The following CASP1 variants were observed in gnomAD, a reference collection of about 807,000 sequenced individuals.
CASP1 encodes caspase 1.
Under a neutral mutation model 41.2 loss-of-function variants are expected in CASP1, and 31 were observed. That is an observed-to-expected ratio of 0.75 (90% CI 0.57 to 1.02). CASP1 has a LOEUF of 1.02. CASP1 is among the 50% of genes least tolerant of loss of function. The probability of loss-of-function intolerance (pLI) is 0.00; values close to 1 mark genes in which losing one functional copy is unlikely to be tolerated. For synonymous variants in CASP1, 163 were observed against 166.5 expected (o/e 0.98, Z 0.16); for missense variants, 490 against 495.7 (o/e 0.99, Z 0.11).
At chr11:105,036,427 C>T (rs547728493), upstream of CASP1, among the ~76,000 whole-genome samples, 3 of 152,220 alleles carry the variant, frequency 2.0e-5, no homozygotes, top group South Asian at 2.1e-4. Flanking sequence ...CTCTGTTTCC[C>T]TACTCAAATC....
upstream of CASP1, chr11:105,035,161 T>C (rs1863953104): frequency 6.2e-7 from 1 of 1,613,482 alleles, no homozygotes; most frequent in African/African-American, 1.3e-5. Flanking sequence ...AAAGTATGCT[T>C]CGCCTTCCTT....
Position 105,030,475 on chromosome 11 carries a change from C to T in CASP1, c.482G>A (p.Arg161His), listed in dbSNP as rs1348634184. 1.4e-5 allele frequency: 23 copies of T among 1,612,706 alleles called. No individual in the cohort carries two copies. The highest frequency in any genetic ancestry group is 1.6e-4 in the Middle Eastern group (1 of 6,072). ...GCAGATAATGAGAGCAAGACGTGTG[C>T]GGCTTGACTTGTCCATTATTGGATA... The part of the protein sequence containing the change: ...EIYPIMDKSS[R>H]TRLALIICNE... The change falls in exon 5 of 9, where the codon CGC becomes CAC. Residue 161 changes from arginine to histidine, a missense_variant. Physicochemically the swap from Arg to His is conservative, Grantham distance 29. Transcript: ENST00000533400.
Position 105,033,832 on chromosome 11 carries a change from A to T in CASP1, c.274+376T>A, listed in dbSNP as rs1488742680. On this transcript the variant is annotated intron_variant, in intron 2 of 8. Transcript: ENST00000533400. ...ATTATAAACCTTAAAGCTTCATGTG[A>T]CTTTACAACTACATAAGTGCCTACA... 5.5e-6 allele frequency: 3 copies of T among 545,414 alleles called. No individual in the cohort carries two copies. In the African/African-American group the frequency reaches 5.7e-5, roughly 10 times the overall value. The allele number at this position is 545,414 out of a possible 1,614,324, so 33.8% of individuals were successfully genotyped here.
intron 3 of CASP1, 63 bp downstream of exon 3, chr11:105,033,001 T>C: frequency 9.7e-7 from 1 of 1,035,340 alleles, no homozygotes; most frequent in Non-Finnish European, 1.5e-6. Context: ...CGTTTGATCC[T>C]ACAAAATTAA....
chr11:105,026,863 A>G lies in CASP1; in HGVS notation c.1095T>C (p.Asp365=), dbSNP rs753413964. ...EHMQEYACSC[D]VEEIFRKVRF... is the part of the protein sequence containing the mutation. Reference sequence around the variant, plus strand: ...TTACCTTGCGGAAAATTTCCTCCACATCACAGGAACAGGCATATTCTTGCA... The same window carrying G: ...TTACCTTGCGGAAAATTTCCTCCACGTCACAGGAACAGGCATATTCTTGCA... Residue 365 remains aspartate (D), a synonymous_variant, in exon 8 of 9, where the codon GAT becomes GAC. Coordinates refer to ENST00000533400, the MANE Select transcript of CASP1 (RefSeq NM_001257118.3). 5.0e-6 allele frequency: 8 copies of G among 1,603,780 alleles called. No individual in the cohort carries two copies. In the Admixed American group the frequency reaches 8.3e-5, roughly 17 times the overall value.
chr11:105,029,589 A>T (rs777664723), intron 6 of CASP1, 76 bp downstream of exon 6: 1 of 1,123,532 alleles, frequency 8.9e-7, no homozygotes, highest in Non-Finnish European at 1.3e-6. Context: ...AACCAAAAGA[A>T]ACCAAAAATT....
intron 3 of CASP1, 70 bp downstream of exon 3, chr11:105,032,994 T>G: frequency 2.1e-6 from 2 of 957,992 alleles, no homozygotes; most frequent in East Asian, 4.8e-5. Context: ...TTACCCACGT[T>G]TGATCCTACA....
chr11:105,026,682 G>C (rs1863311159), intron 8 of CASP1, 160 bp downstream of exon 8: 2 of 614,228 alleles, frequency 3.3e-6, no homozygotes, highest in East Asian at 5.4e-5. Context: ...ATTGGATTAG[G>C]CTCCTGGGTT....
In CASP1 at chr11:105,034,094, C is replaced by T; in HGVS notation, c.274+114G>A. 2.5e-6 allele frequency: 4 copies of T among 1,576,220 alleles called. No individual in the cohort carries two copies. In the South Asian group the frequency reaches 3.4e-5, roughly 13 times the overall value. ...GGGACCCTGCTACAGAAATATGGCCCTGAAGCCAGAAATAAGAAAGTTTTC... is the reference window on the plus strand; with the variant it reads ...GGGACCCTGCTACAGAAATATGGCCTTGAAGCCAGAAATAAGAAAGTTTTC... On this transcript the variant is annotated intron_variant, in intron 2 of 8. Transcript: ENST00000533400.
intron 5 of CASP1, 35 bp from the exon 6 acceptor site, chr11:105,029,934 T>A: frequency 7.2e-7 from 1 of 1,394,068 alleles, no homozygotes; most frequent in Non-Finnish European, 1.0e-6. Flanking sequence ...TTCGACTATG[T>A]AATTAACTAT....
chr11:105,034,717 T>C, intron 1 of CASP1: 4 of 660,644 alleles, frequency 6.1e-6, no homozygotes, highest in South Asian at 6.0e-5. Context: ...AAAGCAGAGA[T>C]CATCCTCTTA....
intron 7 of CASP1, 101 bp downstream of exon 7, chr11:105,029,023 C>T: frequency 2.7e-6 from 3 of 1,104,898 alleles, no homozygotes; most frequent in East Asian, 2.4e-5. Context: ...TGGAACAAAG[C>T]TTGAGTTGGT....
intron 3 of CASP1, among the ~76,000 whole-genome samples, chr11:105,032,151 T>G (rs516255): frequency 0.21 from 32,117 of 152,084 alleles, 3,804 homozygotes; most frequent in African/African-American, 0.29. Flanking sequence ...TTTGAAAAAT[T>G]GTTATACAAT....
rs1863341199 is a variant in CASP1, at chr11:105,026,958, A to C, written c.1007-7T>G. ...TGTCTCCAAGAAACATTATCTATGG[A>C]TAAAGCACATTTCAAATCTCAAGAC... On this transcript the variant is annotated splice_region_variant and splice_polypyrimidine_tract_variant and intron_variant, in intron 7 of 8. Coordinates refer to ENST00000533400, the MANE Select transcript of CASP1 (RefSeq NM_001257118.3). The C allele has an allele frequency of 6.9e-7, 1 of 1,440,460 alleles. No homozygotes were observed. Among genetic ancestry groups the C allele is most frequent in the Non-Finnish European group, 9.8e-7 (1 of 1,021,730 alleles). The allele number at this position is 1,440,460 out of a possible 1,614,324, so 89.2% of individuals were successfully genotyped here. A position where few individuals can be genotyped will look rare whatever the true frequency, so the allele number is the denominator to read the frequency against.
intron 3 of CASP1, among the ~76,000 whole-genome samples, chr11:105,032,004 A>C (rs1357992948): frequency 6.6e-6 from 1 of 152,204 alleles, no homozygotes; most frequent in Non-Finnish European, 1.5e-5. Flanking sequence ...CAGGTTCAAC[A>C]CAATCCAACA....
intron 3 of CASP1, among the ~76,000 whole-genome samples, chr11:105,031,772 A>G (rs1863714002): frequency 6.6e-6 from 1 of 152,140 alleles, no homozygotes; most frequent in Non-Finnish European, 1.5e-5. Flanking sequence ...ATATTTTTTA[A>G]TGAATCTTTG....
chr11:105,035,855 A>G (rs1038160409), upstream of CASP1, among the ~76,000 whole-genome samples: 5 of 152,162 alleles, frequency 3.3e-5, no homozygotes, highest in South Asian at 2.1e-4. Context: ...GGCTCAAGCA[A>G]TGTGCCCACC....
In CASP1 at chr11:105,029,838, G is replaced by A. The variant is rs878955041; in HGVS notation, c.689C>T (p.Thr230Met). 10 of 1,613,674 alleles carry A rather than the reference G, an allele frequency of 6.2e-6. No individual in the cohort carries two copies. The African/African-American group carries it at 8.0e-5, about 13-fold the overall frequency. ...HRPEHKTSDS[T>M]FLVFMSHGIR... is the part of the protein sequence containing the mutation. ...ACCATGAGACATGAACACCAGGAAC[G>A]TGCTGTCAGAGGTCTTGTGCTCTGG... The change falls in exon 6 of 9, where the codon ACG becomes ATG. Residue 230 changes from threonine to methionine, a missense_variant. Coordinates refer to ENST00000533400, the MANE Select transcript of CASP1 (RefSeq NM_001257118.3).
intron 2 of CASP1, 146 bp from the exon 3 acceptor site, chr11:105,033,272 T>G: frequency 1.8e-6 from 1 of 571,176 alleles, no homozygotes; most frequent in African/African-American, 1.9e-5. Flanking sequence ...TGTTCTTTAA[T>G]TTAGAGAGTG....
Sources: gnomAD v4.1 joint callset for allele counts (sites outside exome capture counted in the v4.1 genomes callset) on GRCh38, gnomAD v4.1.1 for gene constraint, MANE v1.5 for transcripts, NCBI Gene and HGNC (gene_info 2026-07-23, HGNC 2026-07-21) for gene names.